The following WDFY4 variants were observed in gnomAD, a reference collection of about 807,000 sequenced individuals.
WDFY4 encodes WDFY family member 4, also known as WD repeat- and FYVE domain-containing protein 4.
WDFY4 carries 169 observed loss-of-function variants against 351.9 expected under a neutral mutation model. The ratio of observed to expected loss-of-function variants is 0.48; its 90% CI spans 0.42 to 0.55. WDFY4 has a LOEUF of 0.55. WDFY4 is among the 20% of genes least tolerant of loss of function. WDFY4 has a pLI of 0.00. For synonymous variants in WDFY4, 1,622 were observed against 1,574.6 expected, an observed-to-expected ratio of 1.03 and a Z score of -0.71; for missense variants, 3,803 against 3,935.6, an observed-to-expected ratio of 0.97 and a Z score of 0.90.
chr10:48,914,001 A>G (rs143916789), intron 47 of WDFY4: 8 of 1,614,168 alleles, frequency 5.0e-6, no homozygotes, highest in Non-Finnish European at 6.8e-6. Context: ...CAGCTCGTCC[A>G]TGTCACTAAG....
intron 22 of WDFY4, 113 bp downstream of exon 22, chr10:48,790,098 C>T (rs2066629394): frequency 9.3e-7 from 1 of 1,072,762 alleles, no homozygotes; most frequent in Non-Finnish European, 1.4e-6. Context: ...GCCAGGGAAC[C>T]AGGGTCGGGA....
Position 48,981,470 on chromosome 10 carries a change from C to G in WDFY4, c.9480C>G (p.Ala3160=). Residue 3160 remains alanine, a synonymous_variant, in exon 61 of 62, where the codon GCC becomes GCG. Transcript: ENST00000325239. ...CCAGCCCCGCAGTGACTGCTCTGGCCGTGTCCAGGTAAGCGCGGCCTTGTT... is the reference window on the plus strand; with the variant it reads ...CCAGCCCCGCAGTGACTGCTCTGGCGGTGTCCAGGTAAGCGCGGCCTTGTT... ...SKTSPAVTAL[A]VSRNHTKLLV... is the part of the protein sequence containing the mutation. 3 of 1,551,598 alleles carry G rather than the reference C, an allele frequency of 1.9e-6. No homozygotes were observed. The highest frequency in any genetic ancestry group is 1.4e-5 in the African/African-American group (1 of 73,168).
At chr10:48,958,613 T>TA (rs1193860456) in intron 52 of WDFY4, among the ~76,000 whole-genome samples, 1 of 152,158 alleles carries the variant, frequency 6.6e-6, no homozygotes, top group African/African-American at 2.4e-5. Flanking sequence ...CCTTTTTTTT[T>TA]AGGCACTGGG....
chr10:48,727,760 G>GAACAT (rs2064318588), intron 7 of WDFY4, 101 bp downstream of exon 7: 2 of 1,405,714 alleles, frequency 1.4e-6, no homozygotes, highest in Non-Finnish European at 1.9e-6. Flanking sequence ...TAGCTCCATA[G>GAACAT]AACATGGCCA....
intron 1 of WDFY4, among the ~76,000 whole-genome samples, chr10:48,699,268 A>T (rs10857619): frequency 6.6e-6 from 1 of 151,944 alleles, no homozygotes; most frequent in Non-Finnish European, 1.5e-5. Flanking sequence ...GAGATCACAC[A>T]CTCAGTGTTC....
At chr10:48,832,480 T>G in intron 38 of WDFY4, 93 bp from the exon 39 acceptor site, 1 of 1,379,080 alleles carries the variant, frequency 7.3e-7, no homozygotes, top group Non-Finnish European at 9.6e-7. Flanking sequence ...AGGGGGCTCA[T>G]GCCCCTGGCT....
intron 25 of WDFY4, among the ~76,000 whole-genome samples, chr10:48,803,566 G>GC (rs754380416): frequency 6.6e-6 from 1 of 152,136 alleles, no homozygotes; most frequent in African/African-American, 2.4e-5. Flanking sequence ...GGGCTTAGAG[G>GC]CCTCTCTAGC....
At chr10:48,762,854 G>C (rs2065552456) in intron 13 of WDFY4, among the ~76,000 whole-genome samples, 1 of 152,228 alleles carries the variant, frequency 6.6e-6, no homozygotes, top group Admixed American at 6.5e-5. Flanking sequence ...CCCAGGAAAA[G>C]CCAGCTTTGG....
At chr10:48,773,904 C>G (rs1462816628) in intron 13 of WDFY4, among the ~76,000 whole-genome samples, 1 of 152,086 alleles carries the variant, frequency 6.6e-6, no homozygotes, top group Non-Finnish European at 1.5e-5. Context: ...TCCGGGGGTG[C>G]GAACTCCAAC....
intron 4 of WDFY4, among the ~76,000 whole-genome samples, chr10:48,722,651 G>T (rs2064129017): frequency 6.6e-6 from 1 of 151,850 alleles, no homozygotes; most frequent in African/African-American, 2.4e-5. Flanking sequence ...GTTCACATGT[G>T]TGCATGCACA....
intron 47 of WDFY4, among the ~76,000 whole-genome samples, chr10:48,920,199 A>C (rs1158772512): frequency 1.3e-5 from 2 of 152,206 alleles, no homozygotes; most frequent in African/African-American, 2.4e-5. Context: ...AAAAACTCTC[A>C]GCAAACTGGT....
intron 47 of WDFY4, among the ~76,000 whole-genome samples, chr10:48,909,039 AT>A (rs59791662): frequency 0.99 from 149,836 of 151,894 alleles, 73,929 homozygotes; most frequent in Middle Eastern, 1. Flanking sequence ...GGAGATGGGC[AT>A]TTTTTTTTTA....
At chr10:48,771,911 C>CT (rs1401602910) in intron 13 of WDFY4, among the ~76,000 whole-genome samples, 1 of 152,162 alleles carries the variant, frequency 6.6e-6, no homozygotes, top group Admixed American at 6.5e-5. Context: ...AACAGGTGGT[C>CT]TGTGATGTGA....
At chr10:48,799,796 G>A (rs547924808) in intron 24 of WDFY4, among the ~76,000 whole-genome samples, 3 of 152,330 alleles carry the variant, frequency 2.0e-5, no homozygotes, top group Admixed American at 2.0e-4. Context: ...AAAGAATTAA[G>A]GGGAAGTGTG....
Position 48,694,114 on chromosome 10 carries a change from C to T in WDFY4, c.-18+9113C>T, listed in dbSNP as rs180783972. ...GGGATGATTGTGTGACCAAACCAAG[C>T]CATCTGGAAATGTGTCAAAATCTTT... On this transcript the variant is annotated intron_variant, in intron 1 of 61. Coordinates refer to ENST00000325239, the MANE Select transcript of WDFY4 (RefSeq NM_001394531.1). 3.3e-5 allele frequency among the ~76,000 whole-genome samples: 5 copies of T among 152,288 alleles called. No homozygotes were observed. In the East Asian group the frequency reaches 9.6e-4, roughly 29 times the overall value.
At chr10:48,888,478 C>T (rs779755070) in intron 43 of WDFY4, among the ~76,000 whole-genome samples, 17 of 152,082 alleles carry the variant, frequency 1.1e-4, no homozygotes, top group East Asian at 3.8e-4. Context: ...AGCAACACAA[C>T]GGGGCACCCT....
At chr10:48,742,941 C>A (rs2064898768) in intron 11 of WDFY4, 27 bp from the exon 12 acceptor site, 7 of 1,525,912 alleles carry the variant, frequency 4.6e-6, no homozygotes, top group Non-Finnish European at 5.3e-6. Flanking sequence ...CTGGAGTGCA[C>A]TCATTTTGAT....
intron 39 of WDFY4, among the ~76,000 whole-genome samples, chr10:48,853,127 C>T (rs749703794): frequency 5.3e-5 from 8 of 152,098 alleles, no homozygotes; most frequent in Non-Finnish European, 1.0e-4. Context: ...AACCCTTCTC[C>T]TCCTGGCCTA....
At chr10:48,963,671 C>T (rs1047780382) in intron 53 of WDFY4, among the ~76,000 whole-genome samples, 171 bp from the exon 54 acceptor site, 2 of 152,162 alleles carry the variant, frequency 1.3e-5, no homozygotes, top group Non-Finnish European at 2.9e-5. Flanking sequence ...GGGTGGCCCT[C>T]GGGTGGCTGG....
Sources: gnomAD v4.1 joint callset for allele counts (sites outside exome capture counted in the v4.1 genomes callset) on GRCh38, gnomAD v4.1.1 for gene constraint, MANE v1.5 for transcripts, NCBI Gene and HGNC (gene_info 2026-07-23, HGNC 2026-07-21) for gene names.